PRELID2: variants seen among roughly 807,000 people sequenced by gnomAD.
PRELID2 encodes PRELI domain containing 2, also known as PRELI domain-containing protein 2.
A neutral mutation model predicts 28.4 loss-of-function variants in PRELID2; 25 were observed. The observed-to-expected ratio is 0.88, with a 90% CI of 0.64 to 1.23. PRELID2 has a LOEUF of 1.23. Among genes scored for constraint, PRELID2 ranks in the 50% most tolerant of loss-of-function variants. The pLI, the probability that PRELID2 is intolerant of heterozygous loss-of-function variation, is 0.00. For missense variants in PRELID2, 201 were observed against 214.4 expected (o/e 0.94, Z 0.39); for synonymous variants, 76 against 71.6 (o/e 1.06, Z -0.31).
At chr5:145,251,066 T>C in the PRELID2 span, among the ~76,000 whole-genome samples, 1 of 152,094 alleles carries the variant, frequency 6.6e-6, no homozygotes, top group Non-Finnish European at 1.5e-5. Context: ...TAACTATCCA[T>C]AGTTGCTAGA....
chr5:145,478,690 A>G (rs1450731327), intron 1 of PRELID2, among the ~76,000 whole-genome samples: 1 of 152,152 alleles, frequency 6.6e-6, no homozygotes, highest in Non-Finnish European at 1.5e-5. Flanking sequence ...GCCTCCTCTT[A>G]CTTTTTTAAT....
chr5:145,237,792 T>TTTTCTCCTTGGATGACCTGTCCA, the PRELID2 span, among the ~76,000 whole-genome samples: 2 of 152,080 alleles, frequency 1.3e-5, no homozygotes, highest in African/African-American at 4.8e-5. Flanking sequence ...AATACTTATT[T>TTTTCTCCTTGGATGACCTGTCCA]TTTCTCCTTG....
the PRELID2 span, among the ~76,000 whole-genome samples, chr5:145,333,088 C>T: frequency 1.8e-4 from 27 of 152,216 alleles, no homozygotes; most frequent in Non-Finnish European, 3.2e-4. Flanking sequence ...GCCTGGGTAT[C>T]ACCAGCAGGG....
At chr5:145,428,325 C>T in the PRELID2 span, among the ~76,000 whole-genome samples, 1 of 152,112 alleles carries the variant, frequency 6.6e-6, no homozygotes, top group Non-Finnish European at 1.5e-5. Context: ...TTCCAGATTA[C>T]CTCACCTAGT....
In PRELID2 at chr5:145,794,242, C is replaced by T. The variant is rs144961828; in HGVS notation, c.474+2200G>A. Among the ~76,000 whole-genome samples the T allele has an allele frequency of 5.8e-3, 880 of 152,258 alleles. 6 individuals are homozygous for T. Among genetic ancestry groups the T allele is most frequent in the African/African-American group, 0.02 (815 of 41,548 alleles). On this transcript the variant is annotated intron_variant, in intron 5 of 6. Transcript: ENST00000683046. Reference sequence around the variant, plus strand: ...CTGAAGAAGGAATACCACTTGGTTGCTGGCAGTGTTCAGTTCCCAGTGAAG... The same window carrying T: ...CTGAAGAAGGAATACCACTTGGTTGTTGGCAGTGTTCAGTTCCCAGTGAAG...
chr5:145,681,300 A>G (rs1754931301), intron 1 of PRELID2, among the ~76,000 whole-genome samples: 1 of 152,112 alleles, frequency 6.6e-6, no homozygotes, highest in African/African-American at 2.4e-5. Flanking sequence ...TTCTGCTACC[A>G]TGGAATGGCC....
chr5:145,816,565 C>CT (rs1483011301), intron 4 of PRELID2, among the ~76,000 whole-genome samples: 1 of 152,142 alleles, frequency 6.6e-6, no homozygotes, highest in Non-Finnish European at 1.5e-5. Context: ...AGTTTTAACT[C>CT]TTTCATTTAG....
the PRELID2 span, among the ~76,000 whole-genome samples, chr5:145,407,105 G>A: frequency 3.8e-4 from 58 of 152,180 alleles, no homozygotes; most frequent in African/African-American, 1.4e-3. Context: ...GGAGCAAATG[G>A]GAAGTACAGA....
chr5:145,282,344 G>C, the PRELID2 span, among the ~76,000 whole-genome samples: 8 of 152,022 alleles, frequency 5.3e-5, no homozygotes, highest in Non-Finnish European at 1.0e-4. Context: ...TGAATATGTA[G>C]CTACTAAAAG....
At chr5:145,573,402 A>C (rs779411169) in intron 1 of PRELID2, among the ~76,000 whole-genome samples, 16 of 151,822 alleles carry the variant, frequency 1.1e-4, no homozygotes, top group Non-Finnish European at 2.2e-4. Context: ...ATATAGGTAT[A>C]CATGTGCTAT....
intron 1 of PRELID2, among the ~76,000 whole-genome samples, chr5:145,624,678 TA>T (rs1453045750): frequency 6.6e-6 from 1 of 152,052 alleles, no homozygotes. Context: ...AAAATCACAG[TA>T]AAAAATTATT....
At chr5:145,451,749 C>A in the PRELID2 span, among the ~76,000 whole-genome samples, 1 of 152,078 alleles carries the variant, frequency 6.6e-6, no homozygotes, top group Non-Finnish European at 1.5e-5. Context: ...TGCATAATAT[C>A]CCCTTCATTA....
At chr5:145,463,228 T>A in the PRELID2 span, among the ~76,000 whole-genome samples, 1 of 152,050 alleles carries the variant, frequency 6.6e-6, no homozygotes, top group East Asian at 1.9e-4. Context: ...AAATCCTTCA[T>A]TTTGGTCTAA....
intron 1 of PRELID2, among the ~76,000 whole-genome samples, chr5:145,747,546 C>A (rs972313166): frequency 1.3e-5 from 2 of 151,998 alleles, no homozygotes; most frequent in African/African-American, 4.8e-5. Context: ...GGCCTACTAA[C>A]CAAAAAAAGC....
At chr5:145,229,269 A>G in the PRELID2 span, 2 of 759,366 alleles carry the variant, frequency 2.6e-6, no homozygotes, top group Non-Finnish European at 4.9e-6. Flanking sequence ...CCCGAGTTCT[A>G]CAACTGGTTC....
intron 2 of PRELID2, among the ~76,000 whole-genome samples, chr5:145,821,155 GTGTGTGT>G (rs1754771021): frequency 2.3e-5 from 2 of 88,814 alleles, no homozygotes; most frequent in African/African-American, 7.3e-5. Context: ...TCTCCTGGGT[GTGTGTGT>G]GTGTGTGTGT....
In PRELID2 at chr5:145,709,857, G is replaced by A. The variant is rs79494028; in HGVS notation, n.70+55074C>T. Among the ~76,000 whole-genome samples, 99 of 152,248 alleles carry A rather than the reference G, an allele frequency of 6.5e-4. No homozygotes were observed. In the East Asian group the frequency reaches 0.017, roughly 26 times the overall value. On this transcript the variant is annotated intron_variant and non_coding_transcript_variant, in intron 1 of 2. Transcript: ENST00000510259. The stretch of plus-strand genomic sequence containing the variant: ...CTTAGAGACTGGAGCAGATGAGATC[G>A]GAGGAATTGAATGTGATCTTGCAAT...
At chr5:145,821,377 C>A (rs1275365594) in intron 2 of PRELID2, among the ~76,000 whole-genome samples, 2 of 151,474 alleles carry the variant, frequency 1.3e-5, no homozygotes, top group African/African-American at 2.4e-5. Flanking sequence ...GTGTGTAAGC[C>A]CTCTTCTGTC....
the PRELID2 span, among the ~76,000 whole-genome samples, chr5:145,406,112 G>A: frequency 6.6e-6 from 1 of 152,002 alleles, no homozygotes; most frequent in African/African-American, 2.4e-5. Context: ...CTAACCCTAT[G>A]ATCTAATCAC....
Sources: allele counts gnomAD v4.1 joint callset (sites outside exome capture counted in the v4.1 genomes callset), GRCh38; gene constraint gnomAD v4.1.1; transcripts MANE v1.5; gene names NCBI Gene and HGNC (gene_info 2026-07-23, HGNC 2026-07-21).